Variants in TAS1R2 observed in about 807,000 individuals in gnomAD.
TAS1R2 encodes taste 1 receptor member 2, also known as taste receptor type 1 member 2.
A neutral mutation model predicts 49.3 loss-of-function variants in TAS1R2; 47 were observed. The observed-to-expected ratio is 0.95, with a 90% confidence interval of 0.75 to 1.22. The LOEUF is 1.22. TAS1R2 is among the 50% of genes most tolerant of loss of function. The pLI, the probability that TAS1R2 is intolerant of heterozygous loss-of-function variation, is 0.00. For missense variants in TAS1R2, 1,155 were observed against 1,122.1 expected (o/e 1.03, Z -0.42); for synonymous variants, 479 against 467.9 (o/e 1.02, Z -0.31).
chr1:18,858,212 T>C lies in TAS1R2; in HGVS notation c.183-581A>G, dbSNP rs115007307. 9.2e-3 allele frequency: 1,303 copies of C among 141,492 alleles called. 11 individuals carry two copies. The highest frequency in any genetic ancestry group is 0.02 in the Middle Eastern group (5 of 244). The allele number at this position is 141,492 out of a possible 1,614,324, so 8.8% of individuals were successfully genotyped here. A position where few individuals can be genotyped will look rare whatever the true frequency, so the allele number is the denominator to read the frequency against. The stretch of plus-strand genomic sequence containing the variant: ...CCATCACCATCATCAGCACCATCAT[T>C]ATCAGCATCACCATCATCACCACCC... On this transcript the variant is annotated intron_variant, in intron 1 of 5. Transcript: ENST00000375371.
intron 4 of TAS1R2, among the ~76,000 whole-genome samples, chr1:18,848,025 C>T (rs975181988): frequency 1.3e-5 from 2 of 152,220 alleles, no homozygotes; most frequent in Admixed American, 6.5e-5. Context: ...AAGACCCACC[C>T]TCATGATTCA....
intron 3 of TAS1R2, among the ~76,000 whole-genome samples, chr1:18,850,447 C>G (rs4076839): frequency 0.72 from 109,567 of 152,282 alleles, 39,817 homozygotes; most frequent in Non-Finnish European, 0.78. Context: ...CTGCCTAGCA[C>G]GTGAGGTCCT....
In TAS1R2 at chr1:18,859,639, TG is replaced by T; in HGVS notation, c.21del (p.Ile8SerfsTer38). 1 of 1,614,186 alleles carries T rather than the reference TG, an allele frequency of 6.2e-7. No individual in the cohort carries two copies. Among genetic ancestry groups the T allele is most frequent in the Middle Eastern group, 1.6e-4 (1 of 6,062 alleles). Reference sequence around the variant, plus strand: ...CATAGGAGGAAGAACAGGGAGGAGATGGTCTTTGCCCTGGGCCCCATGGCTG... The same window carrying T: ...CATAGGAGGAAGAACAGGGAGGAGATGTCTTTGCCCTGGGCCCCATGGCTG... On this transcript the variant is annotated frameshift_variant, in exon 1 of 6. Coordinates refer to ENST00000375371, the Ensembl canonical transcript of TAS1R2. LOFTEE classifies it high-confidence loss of function.
intron 3 of TAS1R2, among the ~76,000 whole-genome samples, chr1:18,852,374 G>C (rs973422905): frequency 4.6e-5 from 7 of 152,334 alleles, no homozygotes; most frequent in Non-Finnish European, 7.3e-5. Context: ...CCATGTGCCT[G>C]CCACAGGTCT....
intron 1 of TAS1R2, 57 bp downstream of exon 1, chr1:18,859,422 G>A: frequency 1.2e-6 from 2 of 1,603,124 alleles, no homozygotes; most frequent in Admixed American, 1.7e-5. Flanking sequence ...CACAGGACCA[G>A]GCCTGGCCTC....
chr1:18,840,476 T>C, exon 6 of TAS1R2: 1 of 1,614,184 alleles, frequency 6.2e-7, no homozygotes, highest in Non-Finnish European at 8.5e-7. Flanking sequence ...GCAGGAGGTC[T>C]CACTCTGGTA....
chr1:18,852,367 T>G (rs1226897689), intron 3 of TAS1R2, among the ~76,000 whole-genome samples: 1 of 152,192 alleles, frequency 6.6e-6, no homozygotes, highest in Admixed American at 6.5e-5. Context: ...CACAAAGCCA[T>G]GTGCCTGCCA....
At chr1:18,853,597 C>T (rs28375052) in intron 3 of TAS1R2, among the ~76,000 whole-genome samples, 1 of 152,114 alleles carries the variant, frequency 6.6e-6, no homozygotes, top group African/African-American at 2.4e-5. Flanking sequence ...AGGGAAGTGG[C>T]TAAATAGCAG....
intron 2 of TAS1R2, among the ~76,000 whole-genome samples, chr1:18,855,654 C>T (rs564906850): frequency 6.6e-6 from 1 of 152,296 alleles, no homozygotes; most frequent in South Asian, 2.1e-4. Flanking sequence ...TAGCCCTGGC[C>T]GGGACTTCTC....
Position 18,854,279 on chromosome 1 carries a change from A to C in TAS1R2, c.1191T>G (p.His397Gln). Residue 397 changes from histidine (H) to glutamine (Q), a missense_variant, in exon 3 of 6, where the codon CAT becomes CAG. By Grantham distance (24) the His-to-Gln change is conservative. Coordinates refer to ENST00000375371, the Ensembl canonical transcript of TAS1R2. The surrounding 1 kb of genome is among the most constrained non-coding windows in gnomAD (Gnocchi z 4.9). ...CACAGCCGAGGAGGCTGTGCAGGGC[A>C]TGGGCCACAGCATAGACCGCAGAGT... The C allele has an allele frequency of 6.2e-7, 1 of 1,614,184 alleles. No individual in the cohort carries two copies. Among genetic ancestry groups the C allele is most frequent in the African/African-American group, 1.3e-5 (1 of 75,060 alleles).
intron 4 of TAS1R2, among the ~76,000 whole-genome samples, chr1:18,844,722 C>T (rs1028541022): frequency 6.6e-6 from 1 of 151,846 alleles, no homozygotes; most frequent in Non-Finnish European, 1.5e-5. Flanking sequence ...CCACTGCACT[C>T]CAGCCTGGGC....
At chr1:18,855,961 G>A (rs974371454) in intron 2 of TAS1R2, among the ~76,000 whole-genome samples, 4 of 151,946 alleles carry the variant, frequency 2.6e-5, no homozygotes, top group Non-Finnish European at 4.4e-5. Flanking sequence ...CATCATCCCC[G>A]GCCTGCACTG....
rs559291340 is a variant in TAS1R2, at chr1:18,849,753, G to C, written c.1258-203C>G. ...TGGAGCCAGACACATCTGGGTTCAG[G>C]CCTCAGCTCTGCCCCTTGCTGTGAG... On this transcript the variant is annotated intron_variant, in intron 3 of 5. Coordinates refer to ENST00000375371, the Ensembl canonical transcript of TAS1R2. Among the ~76,000 whole-genome samples the C allele has an allele frequency of 3.9e-5, 6 of 152,332 alleles. No homozygotes were observed. In the East Asian group the frequency reaches 1.2e-3, roughly 29 times the overall value.
exon 6 of TAS1R2, chr1:18,840,007 G>A (rs34542537): frequency 0.013 from 21,074 of 1,613,314 alleles, 171 homozygotes; most frequent in Middle Eastern, 0.044. Flanking sequence ...TACGGGTGGT[G>A]GGACTGAGGC....
At chr1:18,843,838 T>TTA (rs1183824586) in intron 4 of TAS1R2, among the ~76,000 whole-genome samples, 3 of 152,216 alleles carry the variant, frequency 2.0e-5, no homozygotes, top group Non-Finnish European at 4.4e-5. Context: ...TCACAGAGTC[T>TTA]TATAGAGAGG....
chr1:18,852,553 T>C (rs750058470), intron 3 of TAS1R2, among the ~76,000 whole-genome samples: 1 of 152,228 alleles, frequency 6.6e-6, no homozygotes, highest in Non-Finnish European at 1.5e-5. Flanking sequence ...CAGCCCTAAA[T>C]TGGCTTGTTG....
chr1:18,844,470 A>C (rs116015892), intron 4 of TAS1R2, among the ~76,000 whole-genome samples: 1 of 152,222 alleles, frequency 6.6e-6, no homozygotes, highest in African/African-American at 2.4e-5. Flanking sequence ...GACTTGTCCC[A>C]GCCAGGCACC....
chr1:18,842,511 G>T (rs1933847482), intron 4 of TAS1R2, among the ~76,000 whole-genome samples: 1 of 152,158 alleles, frequency 6.6e-6, no homozygotes, highest in South Asian at 2.1e-4. Context: ...ATAATAACAG[G>T]TATGTTCCCC....
chr1:18,844,587 C>T (rs1933882730), intron 4 of TAS1R2, among the ~76,000 whole-genome samples: 1 of 152,134 alleles, frequency 6.6e-6, no homozygotes, highest in Admixed American at 6.5e-5. Context: ...AATGCTGTCT[C>T]TACTAAAAAC....
Sources: gnomAD v4.1 joint callset for allele counts (sites outside exome capture counted in the v4.1 genomes callset) on GRCh38, gnomAD v4.1.1 for gene constraint, Gnocchi (gnomAD v3.1) non-coding constraint, MANE v1.5 for transcripts, NCBI Gene and HGNC (gene_info 2026-07-23, HGNC 2026-07-21) for gene names.